MORN3: variants seen among roughly 807,000 people sequenced by gnomAD.
MORN3 encodes MORN repeat-containing protein 3.
Under a neutral mutation model 34.7 loss-of-function variants are expected in MORN3, and 38 were observed. The ratio of observed to expected loss-of-function variants is 1.10; its 90% CI spans 0.85 to 1.44. The LOEUF is 1.44. Ranked by LOEUF, MORN3 falls within the 40% of genes most tolerant of loss-of-function variation. The pLI is 0.00. For missense variants in MORN3, 311 were observed against 321.7 expected, an observed-to-expected ratio of 0.97 and a Z score of 0.25; for synonymous variants, 109 against 115.3, an observed-to-expected ratio of 0.95 and a Z score of 0.35.
At chr12:121,661,589 T>C (rs1027076869) in intron 1 of MORN3, among the ~76,000 whole-genome samples, 1 of 151,882 alleles carries the variant, frequency 6.6e-6, no homozygotes, top group Admixed American at 6.6e-5. Flanking sequence ...GAATATCTTA[T>C]GGGGGGGCTG....
chr12:121,659,376 C>T, intron 1 of MORN3, 28 bp from the exon 2 acceptor site: 2 of 1,608,334 alleles, frequency 1.2e-6, no homozygotes, highest in Admixed American at 1.7e-5. Context: ...GGCAATGCTG[C>T]AGACATGGCC....
At position 121,650,420 on chromosome 12, in the gene MORN3, G is replaced by A. The variant is rs1469986185; in HGVS notation, c.*1231C>T. 1 of 150,914 alleles carries A rather than the reference G, an allele frequency of 6.6e-6. No individual in the cohort carries two copies. The highest frequency in any genetic ancestry group is 2.4e-5 in the African/African-American group (1 of 40,986). 9.3% of individuals were successfully genotyped at this position (150,914 alleles called of 1,614,324 possible). A position where few individuals can be genotyped will look rare whatever the true frequency, so the allele number is the denominator to read the frequency against. The stretch of plus-strand genomic sequence containing the variant: ...AGGTGCCTGTAATCCCAGCTACTTG[G>A]GAGGCTGAGGCAGGATAATCGCTTG... On this transcript the variant is annotated 3_prime_UTR_variant, in exon 6 of 6. Transcript: ENST00000355329.
At chr12:121,670,815 T>A (rs1161410546), upstream of MORN3, among the ~76,000 whole-genome samples, 4 of 139,204 alleles carry the variant, frequency 2.9e-5, no homozygotes, top group East Asian at 6.4e-4. Context: ...TCTTAAAAAA[T>A]AATAATAAAA....
At chr12:121,663,570 T>G (rs1350916894) in intron 1 of MORN3, among the ~76,000 whole-genome samples, 2 of 152,134 alleles carry the variant, frequency 1.3e-5, no homozygotes, top group Non-Finnish European at 2.9e-5. Flanking sequence ...TTGTCAATCA[T>G]ACCGCAATAA....
intron 1 of MORN3, among the ~76,000 whole-genome samples, chr12:121,667,913 CA>C (rs1275105598): frequency 2.6e-5 from 4 of 151,674 alleles, no homozygotes; most frequent in Non-Finnish European, 5.9e-5. Context: ...TTAGTAGAGA[CA>C]GGGTTTCACT....
rs201217554 is a variant in MORN3 at position 121,669,346 on chromosome 12, C to T, written c.138G>A (p.Val46=). Residue 46 remains valine, a synonymous_variant, in exon 1 of 6, where the codon GTG becomes GTA. Transcript: ENST00000355329. The part of the protein sequence containing the change: ...DYYVGEWKDN[V]KHGKGTQVWK... ...TCCCGGAGTCCCACTCACCGTGTTT[C>T]ACGTTGTCCTTCCACTCGCCCACAT... 1.1e-5 allele frequency: 18 copies of T among 1,613,458 alleles called. No individual in the cohort carries two copies. The highest frequency in any genetic ancestry group is 1.7e-5 in the Admixed American group (1 of 59,984).
chr12:121,663,824 G>A (rs891261280), intron 1 of MORN3, among the ~76,000 whole-genome samples: 1 of 151,666 alleles, frequency 6.6e-6, no homozygotes, highest in Admixed American at 6.6e-5. Flanking sequence ...TGCCCTTGGG[G>A]AGCCCATGGT....
At chr12:121,665,764 CAAAAAAAAAAA>C (rs59071462) in intron 1 of MORN3, among the ~76,000 whole-genome samples, 9 of 50,584 alleles carry the variant, frequency 1.8e-4, no homozygotes, top group African/African-American at 6.1e-4. Flanking sequence ...GACTCTGTCT[CAAAAAAAAAAA>C]AAAAAAAAAA....
chr12:121,658,769 C>CG (rs1183065964), intron 2 of MORN3, among the ~76,000 whole-genome samples: 8 of 151,980 alleles, frequency 5.3e-5, no homozygotes, highest in Non-Finnish European at 1.2e-4. Flanking sequence ...TTCGGCCCCC[C>CG]GGGACCCTCC....
rs546797772 is a variant in MORN3 at position 121,660,034 on chromosome 12, G to A, written c.146-686C>T. On this transcript the variant is annotated intron_variant, in intron 1 of 5. Transcript: ENST00000355329. ...GGATCACCTGAGGTCAGGAGTTCGAGACCAGCCTGACCAAAATGGCGAAAC... is the reference window on the plus strand; with the variant it reads ...GGATCACCTGAGGTCAGGAGTTCGAAACCAGCCTGACCAAAATGGCGAAAC... 1.2e-4 allele frequency among the ~76,000 whole-genome samples: 18 copies of A among 151,644 alleles called. No individual in the cohort carries two copies. In the East Asian group the frequency reaches 3.1e-3, roughly 26 times the overall value.
chr12:121,652,860 G>A, intron 4 of MORN3, 52 bp from the exon 5 acceptor site: 1 of 1,592,872 alleles, frequency 6.3e-7, no homozygotes, highest in Non-Finnish European at 8.6e-7. Flanking sequence ...GACCCAGGCT[G>A]CCAGCCTTGA....
At chr12:121,668,071 T>C (rs185586329) in intron 1 of MORN3, among the ~76,000 whole-genome samples, 35 of 150,494 alleles carry the variant, frequency 2.3e-4, no homozygotes, top group African/African-American at 8.0e-4. Flanking sequence ...GATTTCACCA[T>C]ATTGGCCAAG....
intron 1 of MORN3, among the ~76,000 whole-genome samples, chr12:121,667,151 G>A (rs368950652): frequency 1.3e-5 from 2 of 151,696 alleles, no homozygotes; most frequent in Non-Finnish European, 2.9e-5. Flanking sequence ...TAGTAGAGAC[G>A]GAGTTTCACC....
At chr12:121,671,203 T>C (rs1212887982), upstream of MORN3, among the ~76,000 whole-genome samples, 78 of 148,900 alleles carry the variant, frequency 5.2e-4, no homozygotes, top group Non-Finnish European at 7.9e-4. Context: ...GTCAGGAGAT[T>C]GAGACCATCC....
chr12:121,652,695 C>A, intron 5 of MORN3, 33 bp downstream of exon 5: 1 of 1,600,884 alleles, frequency 6.2e-7, no homozygotes. Context: ...GCCTCAGCCA[C>A]ATCAGAACTT....
chr12:121,659,658 C>G (rs1893521896), intron 1 of MORN3, among the ~76,000 whole-genome samples: 1 of 151,764 alleles, frequency 6.6e-6, no homozygotes, highest in African/African-American at 2.4e-5. Context: ...CCTCAGCCTC[C>G]AGAGTAGCTA....
In MORN3 at chr12:121,669,525, T is replaced by C. The variant is rs748348747; in HGVS notation, c.-42A>G. On this transcript the variant is annotated 5_prime_UTR_variant, in exon 1 of 6. Transcript: ENST00000355329. The stretch of plus-strand genomic sequence containing the variant: ...AGGCTGGAGGGTGCTGGAAAGGGGT[T>C]AGGGACATCTGGGGCTCAGCGCGCC... The C allele has an allele frequency of 1.2e-6, 2 of 1,609,368 alleles. 1 individual carries two copies. The highest frequency in any genetic ancestry group is 2.2e-5 in the South Asian group (2 of 91,012).
At chr12:121,671,934 T>C (rs1297093643), upstream of MORN3, among the ~76,000 whole-genome samples, 1 of 151,558 alleles carries the variant, frequency 6.6e-6, no homozygotes, top group Admixed American at 6.6e-5. Flanking sequence ...TGCCATGTAA[T>C]CACCAGACTG....
rs1555325001 is a variant in MORN3 at position 121,651,069 on chromosome 12, G to C, written c.*582C>G. 3 of 152,110 alleles carry C rather than the reference G, an allele frequency of 2.0e-5. No individual in the cohort carries two copies. The highest frequency in any genetic ancestry group is 7.2e-5 in the African/African-American group (3 of 41,400). The allele number at this position is 152,110 out of a possible 1,614,324, so 9.4% of individuals were successfully genotyped here. ...CAGGCCTTCTCTCTGGGTCATCTGG[G>C]TTATCTCACAGGGGACCTGCCATTT... On this transcript the variant is annotated 3_prime_UTR_variant, in exon 6 of 6. Coordinates refer to ENST00000355329, the MANE Select transcript of MORN3 (RefSeq NM_173855.5).
Sources: gnomAD v4.1 joint callset for allele counts (sites outside exome capture counted in the v4.1 genomes callset) on GRCh38, gnomAD v4.1.1 for gene constraint, MANE v1.5 for transcripts, NCBI Gene and HGNC (gene_info 2026-07-23, HGNC 2026-07-21) for gene names.